NOC3L: variants seen among roughly 807,000 people sequenced by gnomAD.
NOC3L encodes the protein NOC3 like DNA replication regulator.
NOC3L carries 85 observed loss-of-function variants against 102.5 expected under a neutral mutation model. The ratio of observed to expected loss-of-function variants is 0.83; its 90% confidence interval spans 0.70 to 0.99. NOC3L has a LOEUF of 0.99. NOC3L is among the 50% of genes least tolerant of loss of function. The pLI is 0.00. For synonymous variants in NOC3L, 303 were observed against 309.4 expected, an observed-to-expected ratio of 0.98 and a Z score of 0.22; for missense variants, 878 against 914.9, an observed-to-expected ratio of 0.96 and a Z score of 0.52.
At position 94,333,607 on chromosome 10, in the gene NOC3L, A is replaced by C. The variant is rs2054184353; in HGVS notation, c.*570T>G. On this transcript the variant is annotated 3_prime_UTR_variant, in exon 21 of 21. Coordinates refer to ENST00000371361, the MANE Select transcript of NOC3L (RefSeq NM_022451.11). Reference sequence around the variant, plus strand: ...ACACTAACACCTTTTTTAAAAGGCCAAATTAGGTAACTTCTTTAGGTGGAT... The same window carrying C: ...ACACTAACACCTTTTTTAAAAGGCCCAATTAGGTAACTTCTTTAGGTGGAT... 6.6e-6 allele frequency: 1 copy of C among 152,212 alleles called. No individual in the cohort carries two copies. Among genetic ancestry groups the C allele is most frequent in the South Asian group, 2.1e-4 (1 of 4,836 alleles). 9.4% of individuals were successfully genotyped at this position (152,212 alleles called of 1,614,324 possible). A position where few individuals can be genotyped will look rare whatever the true frequency, so the allele number is the denominator to read the frequency against.
chr10:94,331,416 A>G (rs1316009866), downstream of NOC3L: 2 of 152,222 alleles, frequency 1.3e-5, no homozygotes, highest in African/African-American at 2.4e-5. Context: ...TTAATTCTGG[A>G]AAGTTATCAG....
chr10:94,334,529 TA>T (rs376203023), intron 20 of NOC3L, 104 bp downstream of exon 20: 1,047 of 694,792 alleles, frequency 1.5e-3, no homozygotes, highest in Non-Finnish European at 1.8e-3. Flanking sequence ...TCCTAAACAT[TA>T]AAAAAAAAAC....
the NOC3L span, chr10:94,324,445 A>G: frequency 1.9e-6 from 3 of 1,614,188 alleles, no homozygotes; most frequent in Non-Finnish European, 2.5e-6. Flanking sequence ...CACTACCAAC[A>G]AGAAGACTAC....
the NOC3L span, chr10:94,328,006 G>T: frequency 7.5e-6 from 4 of 531,558 alleles, no homozygotes; most frequent in Non-Finnish European, 1.5e-5. Context: ...AGTGAACATG[G>T]TGGAAAAAAT....
At chr10:94,350,557 A>G (rs2054402563) in intron 8 of NOC3L, among the ~76,000 whole-genome samples, 1 of 151,818 alleles carries the variant, frequency 6.6e-6, no homozygotes, top group African/African-American at 2.4e-5. Context: ...AACATAAAAA[A>G]AAAAAAATTA....
chr10:94,324,526 G>A, the NOC3L span: 1 of 1,614,128 alleles, frequency 6.2e-7, no homozygotes, highest in African/African-American at 1.3e-5. Flanking sequence ...CAAGTGGAAA[G>A]GTGCAGGAAA....
chr10:94,318,196 T>C, the NOC3L span, among the ~76,000 whole-genome samples: 13 of 152,356 alleles, frequency 8.5e-5, no homozygotes, highest in Admixed American at 5.9e-4. Context: ...CTTCTCTCCC[T>C]ATTAAGACAC....
At chr10:94,354,229 T>A (rs2054455786) in intron 6 of NOC3L, among the ~76,000 whole-genome samples, 1 of 152,220 alleles carries the variant, frequency 6.6e-6, no homozygotes, top group African/African-American at 2.4e-5. Flanking sequence ...AGCTATTCTA[T>A]CATTTCATAA....
intron 2 of NOC3L, among the ~76,000 whole-genome samples, chr10:94,360,296 CAG>C (rs909191526): frequency 4.6e-5 from 7 of 151,554 alleles, no homozygotes; most frequent in African/African-American, 1.7e-4. Flanking sequence ...AGCCTGGCAA[CAG>C]AGAGAGACTC....
rs999474238 is a variant in NOC3L, at chr10:94,357,238, T to C, written c.444A>G (p.Glu148=). 6.2e-7 allele frequency: 1 copy of C among 1,609,308 alleles called. No individual in the cohort carries two copies. Among genetic ancestry groups the C allele is most frequent in the Non-Finnish European group, 8.5e-7 (1 of 1,177,586 alleles). ...PRTLQTAPEK[E]LIHLLPIKDK... ...CTTTGATAGGAAGTAAATGAATCAG[T>C]TCCTTCTCTGGTGCAGTTTGCAGAG... The change falls in exon 4 of 21, where the codon GAA becomes GAG. Residue 148 remains glutamate, a synonymous_variant. Coordinates refer to ENST00000371361, the MANE Select transcript of NOC3L (RefSeq NM_022451.11).
intron 17 of NOC3L, among the ~76,000 whole-genome samples, 179 bp downstream of exon 17, chr10:94,339,560 C>CA (rs1228837540): frequency 6.6e-6 from 1 of 152,062 alleles, no homozygotes; most frequent in Non-Finnish European, 1.5e-5. Context: ...TGAGAAGTGT[C>CA]AATAGGTATA....
At position 94,334,690 on chromosome 10, in the gene NOC3L, T is replaced by C. The variant is rs377502876; in HGVS notation, c.2218A>G (p.Ser740Gly). The change falls in exon 20 of 21, where the codon AGC becomes GGC. Residue 740 changes from serine to glycine, a missense_variant. Ser to Gly is a moderately conservative substitution (Grantham distance 56, BLOSUM62 0). Transcript: ENST00000371361. ...GGATTGAATGTCATTTCTGCCATGCTATATGCCTCAAAAAGTTCAGTAGCA... is the reference window on the plus strand; with the variant it reads ...GGATTGAATGTCATTTCTGCCATGCCATATGCCTCAAAAAGTTCAGTAGCA... ...RSATELFEAY[S>G]MAEMTFNPPV... 9 of 1,613,226 alleles carry C rather than the reference T, an allele frequency of 5.6e-6. No individual in the cohort carries two copies. The highest frequency in any genetic ancestry group is 7.6e-6 in the Non-Finnish European group (9 of 1,179,750).
chr10:94,319,862 CTCTT>C, the NOC3L span, among the ~76,000 whole-genome samples: 12 of 86,228 alleles, frequency 1.4e-4, no homozygotes, highest in South Asian at 1.0e-3. Context: ...CTCAAAGGTG[CTCTT>C]TTTTTTTTTT....
intron 14 of NOC3L, among the ~76,000 whole-genome samples, chr10:94,341,018 A>T (rs1366743402): frequency 6.6e-6 from 1 of 151,488 alleles, no homozygotes; most frequent in African/African-American, 2.4e-5. Flanking sequence ...AAAAAAATAG[A>T]AAAATTAGCC....
chr10:94,358,736 G>A (rs915274111), intron 2 of NOC3L, among the ~76,000 whole-genome samples: 5 of 152,076 alleles, frequency 3.3e-5, no homozygotes, highest in Admixed American at 2.0e-4. Context: ...CTCCCATTCA[G>A]TTACTTCCAC....
At chr10:94,325,332 C>G in the NOC3L span, 1 of 437,858 alleles carries the variant, frequency 2.3e-6, no homozygotes, top group South Asian at 2.1e-5. Flanking sequence ...GGCGTGGTGG[C>G]GCATGCCTGT....
downstream of NOC3L, chr10:94,329,135 T>G (rs2054127430): frequency 6.6e-6 from 1 of 152,206 alleles, no homozygotes; most frequent in Admixed American, 6.5e-5. Context: ...GGGCTAGACT[T>G]TCAAGTAAAA....
the NOC3L span, among the ~76,000 whole-genome samples, chr10:94,319,144 C>A: frequency 6.6e-6 from 1 of 152,084 alleles, no homozygotes; most frequent in Non-Finnish European, 1.5e-5. Flanking sequence ...GAAAAAGGGG[C>A]ATAAATCAGA....
chr10:94,346,495 T>A lies in NOC3L; in HGVS notation c.1319A>T (p.Asp440Val). ...CATAAATTTTTTTGGTTTATTAATG[T>A]CTTCTGTATCTTTTTTCACTTCTAC... The part of the protein sequence containing the change: ...KEVEVKKDTE[D>V]INKPKKFMTF... Residue 440 changes from aspartate (D) to valine (V), a missense_variant, in exon 11 of 21, where the codon GAC becomes GTC. Transcript: ENST00000371361. 1 of 1,485,126 alleles carries A rather than the reference T, an allele frequency of 6.7e-7. No homozygotes were observed. Among genetic ancestry groups the A allele is most frequent in the South Asian group, 1.3e-5 (1 of 77,674 alleles). The allele number at this position is 1,485,126 out of a possible 1,614,324, so 92.0% of individuals were successfully genotyped here.
Sources: allele counts gnomAD v4.1 joint callset (sites outside exome capture counted in the v4.1 genomes callset), GRCh38; gene constraint gnomAD v4.1.1; transcripts MANE v1.5; gene names NCBI Gene and HGNC (gene_info 2026-07-23, HGNC 2026-07-21).